SORBS2: variants seen among roughly 807,000 people sequenced by gnomAD.
SORBS2 encodes sorbin and SH3 domain-containing protein 2.
In SORBS2, 46 loss-of-function variants were observed where a neutral mutation model predicts 97.7. The ratio of observed to expected loss-of-function variants is 0.47; its 90% CI spans 0.37 to 0.60. The LOEUF (loss-of-function observed/expected upper bound fraction) is 0.60. Ranked by LOEUF, SORBS2 falls within the 20% of genes least tolerant of loss-of-function variation. The pLI is 0.00. For missense variants in SORBS2, 1,316 were observed against 1,282.3 expected, an observed-to-expected ratio of 1.03 and a Z score of -0.40; for synonymous variants, 476 against 473.4, an observed-to-expected ratio of 1.01 and a Z score of -0.07.
chr4:185,676,607 GTAAA>G, intron 4 of SORBS2, among the ~76,000 whole-genome samples: 1 of 152,152 alleles, frequency 6.6e-6, no homozygotes, highest in Non-Finnish European at 1.5e-5. Flanking sequence ...TTTTACACAT[GTAAA>G]TAAAGTAAAT....
At position 185,596,120 on chromosome 4, in the gene SORBS2, A is replaced by G. The variant is rs1303609427; in HGVS notation, c.2797-2185T>C. Among the ~76,000 whole-genome samples the G allele has an allele frequency of 2.0e-5, 3 of 152,286 alleles. No individual in the cohort carries two copies. In the East Asian group the frequency reaches 5.8e-4, roughly 29 times the overall value. ...GAAAATGTTGTGTAAAATATATTTC[A>G]TTATGCTCTAAAATTGGCATCCCTG... On this transcript the variant is annotated intron_variant, in intron 12 of 14. Transcript: ENST00000418609.
At chr4:185,785,789 G>A (rs1287870722) in intron 1 of SORBS2, among the ~76,000 whole-genome samples, 1 of 152,226 alleles carries the variant, frequency 6.6e-6, no homozygotes, top group African/African-American at 2.4e-5. Context: ...TGGGCTTGGA[G>A]AATCAAGAGT....
rs1395332517 is a variant in SORBS2 at position 185,933,423 on chromosome 4, G to A, written c.-338+22773C>T. ...AGACAGGATGGCTTAAACATCCTGT[G>A]AGAAATGCATCCTGTGAGAAATGCA... is the stretch of plus-strand genomic sequence containing the variant. On this transcript the variant is annotated intron_variant, in intron 1 of 20. Coordinates refer to the SORBS2 transcript ENST00000284776. 2.6e-5 allele frequency: 4 copies of A among 152,082 alleles called. No homozygotes were observed. The East Asian group carries it at 7.7e-4, about 29-fold the overall frequency. 9.4% of individuals were successfully genotyped at this position (152,082 alleles called of 1,614,324 possible).
intron 2 of SORBS2, among the ~76,000 whole-genome samples, chr4:185,730,176 T>C (rs1035377125): frequency 6.6e-6 from 1 of 152,140 alleles, no homozygotes; most frequent in Non-Finnish European, 1.5e-5. Context: ...ATGGTCTCGA[T>C]CTGTGAAGTT....
intron 2 of SORBS2, among the ~76,000 whole-genome samples, chr4:185,715,481 C>T (rs1385682653): frequency 6.6e-6 from 1 of 151,330 alleles, no homozygotes; most frequent in East Asian, 1.9e-4. Context: ...ATAATTTAAC[C>T]TAGAATAATT....
chr4:185,669,956 C>T lies in SORBS2; in HGVS notation c.-45-7714G>A, dbSNP rs191388500. On this transcript the variant is annotated intron_variant, in intron 4 of 20. Coordinates refer to the SORBS2 transcript ENST00000284776. ...GTAATAGGGCAAGCGCAGTGGCTCACACCTGTAATCCCAGCACTTTGGGAG... is the reference window on the plus strand; with the variant it reads ...GTAATAGGGCAAGCGCAGTGGCTCATACCTGTAATCCCAGCACTTTGGGAG... Among the ~76,000 whole-genome samples the T allele has an allele frequency of 1.2e-4, 18 of 152,282 alleles. No homozygotes were observed. In the East Asian group the frequency reaches 3.3e-3, roughly 28 times the overall value.
At chr4:185,862,002 C>T (rs766707227) in intron 1 of SORBS2, among the ~76,000 whole-genome samples, 47 of 152,268 alleles carry the variant, frequency 3.1e-4, no homozygotes, top group Non-Finnish European at 5.6e-4. Context: ...TGAGAGATGA[C>T]GGTGGCATGA....
At chr4:185,637,689 T>G (rs1191249057) in intron 4 of SORBS2, among the ~76,000 whole-genome samples, 1 of 152,116 alleles carries the variant, frequency 6.6e-6, no homozygotes, top group African/African-American at 2.4e-5. Flanking sequence ...TCCAGGTGCC[T>G]GATGTTTGCT....
chr4:185,800,015 T>C (rs2099122801), intron 1 of SORBS2, among the ~76,000 whole-genome samples: 1 of 152,128 alleles, frequency 6.6e-6, no homozygotes, highest in Non-Finnish European at 1.5e-5. Flanking sequence ...CTGGCCAACA[T>C]GGTGAAACCC....
At chr4:185,845,258 G>A (rs745580513) in intron 1 of SORBS2, among the ~76,000 whole-genome samples, 59 of 152,198 alleles carry the variant, frequency 3.9e-4, no homozygotes, top group Non-Finnish European at 5.7e-4. Context: ...CGGCTCAAGC[G>A]ATCCTCCCAC....
Position 185,684,722 on chromosome 4 carries a change from G to T in SORBS2, c.-197-5900C>A, listed in dbSNP as rs2097921988. ...GTCAGAAGAGCTAGAAGCCATTCAA[G>T]TGCGACATTGTGTGAGTTAGTGATA... On this transcript the variant is annotated intron_variant, in intron 2 of 20. Transcript: ENST00000284776. This position sits in a 1 kb window ranked among gnomAD's most constrained non-coding sequence, Gnocchi z 4.2. 1 of 1,434,100 alleles carries T rather than the reference G, an allele frequency of 7.0e-7. No individual in the cohort carries two copies. Among genetic ancestry groups the T allele is most frequent in the Non-Finnish European group, 9.6e-7 (1 of 1,040,772 alleles). 88.8% of individuals were successfully genotyped at this position (1,434,100 alleles called of 1,614,324 possible). A position where few individuals can be genotyped will look rare whatever the true frequency, so the allele number is the denominator to read the frequency against.
intron 2 of SORBS2, among the ~76,000 whole-genome samples, chr4:185,727,026 G>A (rs988423623): frequency 1.3e-5 from 2 of 152,186 alleles, no homozygotes; most frequent in African/African-American, 2.4e-5. Flanking sequence ...GCAAAACCAA[G>A]CGAGTTTGGA....
intron 2 of SORBS2, among the ~76,000 whole-genome samples, chr4:185,730,065 G>A (rs2098603119): frequency 6.6e-6 from 1 of 152,018 alleles, no homozygotes; most frequent in Non-Finnish European, 1.5e-5. Context: ...CCATTCTCCT[G>A]CCTCAGCCTC....
At chr4:185,618,733 T>G in intron 8 of SORBS2, 102 bp from the exon 21 acceptor site, 1 of 601,290 alleles carries the variant, frequency 1.7e-6, no homozygotes. Context: ...CAGGGAATCA[T>G]CAAACATATG....
intron 3 of SORBS2, among the ~76,000 whole-genome samples, chr4:185,647,412 CT>C (rs376002220): frequency 0.013 from 1,719 of 131,592 alleles, 23 homozygotes; most frequent in African/African-American, 0.038. Context: ...AAGAAGGCTT[CT>C]TTTTTTTTTT....
chr4:185,667,650 A>T (rs6835717), intron 4 of SORBS2, among the ~76,000 whole-genome samples: 135,938 of 147,856 alleles, frequency 0.92, 62,881 homozygotes, highest in Non-Finnish European at 0.97. Context: ...ACTTAATATG[A>T]TTTTTTTTCT....
At chr4:185,783,927 G>A (rs994937977) in intron 1 of SORBS2, among the ~76,000 whole-genome samples, 7 of 152,196 alleles carry the variant, frequency 4.6e-5, no homozygotes, top group Non-Finnish European at 7.3e-5. Flanking sequence ...AAGTAGGTAA[G>A]AGGTGTGGTA....
At position 185,945,140 on chromosome 4, in the gene SORBS2, A is replaced by C. The variant is rs369314375; in HGVS notation, c.-338+11056T>G. Among the ~76,000 whole-genome samples the C allele has an allele frequency of 5.3e-5, 8 of 152,340 alleles. No individual in the cohort carries two copies. In the South Asian group the frequency reaches 8.3e-4, roughly 16 times the overall value. ...GGGCCCTGAACATTAAGTAGAATAT[A>C]GACCATCAGCAGTTACTAAGCTAAA... On this transcript the variant is annotated intron_variant, in intron 1 of 20. Transcript: ENST00000284776.
At position 185,795,286 on chromosome 4, in the gene SORBS2, C is replaced by T. The variant is rs73017837; in HGVS notation, c.-337-19920G>A. Among the ~76,000 whole-genome samples, 760 of 152,308 alleles carry T rather than the reference C, an allele frequency of 5.0e-3. 6 individuals carry two copies. Among genetic ancestry groups the T allele is most frequent in the African/African-American group, 0.016 (660 of 41,560 alleles). Reference sequence around the variant, plus strand: ...TCTGAGACTCCAATCTCACATCCTACACCCTCAAAAATAGAAGAAAGAGGT... The same window carrying T: ...TCTGAGACTCCAATCTCACATCCTATACCCTCAAAAATAGAAGAAAGAGGT... On this transcript the variant is annotated intron_variant, in intron 1 of 20. Transcript: ENST00000284776.
Sources: gnomAD v4.1 joint callset for allele counts (sites outside exome capture counted in the v4.1 genomes callset) on GRCh38, gnomAD v4.1.1 for gene constraint, Gnocchi (gnomAD v3.1) non-coding constraint, MANE v1.5 for transcripts, NCBI Gene and HGNC (gene_info 2026-07-23, HGNC 2026-07-21) for gene names.